Variants in SDCCAG8 observed in about 807,000 individuals in gnomAD.
SDCCAG8 encodes SHH signaling and ciliogenesis regulator SDCCAG8.
Under a neutral mutation model 101.8 loss-of-function variants are expected in SDCCAG8, and 74 were observed. The observed-to-expected ratio is 0.73, with a 90% CI of 0.60 to 0.88. The LOEUF is 0.88. Ranked by LOEUF, SDCCAG8 falls within the 40% of genes least tolerant of loss-of-function variation. SDCCAG8 has a pLI of 0.00. For synonymous variants in SDCCAG8, 281 were observed against 292.9 expected, an observed-to-expected ratio of 0.96 and a Z score of 0.41; for missense variants, 787 against 822.6, an observed-to-expected ratio of 0.96 and a Z score of 0.53.
intron 4 of SDCCAG8, among the ~76,000 whole-genome samples, chr1:243,279,955 A>C (rs1188501413): frequency 6.6e-6 from 1 of 152,216 alleles, no homozygotes; most frequent in Non-Finnish European, 1.5e-5. Flanking sequence ...AATTTTATGA[A>C]ATATATTATA....
chr1:243,494,163 T>C (rs1011964531), intron 17 of SDCCAG8, among the ~76,000 whole-genome samples: 3 of 152,242 alleles, frequency 2.0e-5, no homozygotes, highest in African/African-American at 4.8e-5. Flanking sequence ...AACCAAGATT[T>C]TTTGGAAAGA....
At chr1:243,497,225 C>CAAAG (rs1299473204) in intron 17 of SDCCAG8, among the ~76,000 whole-genome samples, 1 of 150,864 alleles carries the variant, frequency 6.6e-6, no homozygotes, top group Non-Finnish European at 1.5e-5. Context: ...TGTGTGTTAC[C>CAAAG]AAAGAGTCAG....
At position 243,298,443 on chromosome 1, in the gene SDCCAG8, C is replaced by T. The variant is rs373653421; in HGVS notation, c.675+5224C>T. Among the ~76,000 whole-genome samples the T allele has an allele frequency of 2.3e-3, 350 of 149,980 alleles. 1 individual carries two copies. The Middle Eastern group carries it at 0.027, about 12-fold the overall frequency. ...CACAATCTCAGCTCACTGCAGCCTC[C>T]GCCTCCCGGGTTCAAGCGATTCTCC... On this transcript the variant is annotated intron_variant, in intron 6 of 17. Coordinates refer to ENST00000366541, the MANE Select transcript of SDCCAG8 (RefSeq NM_006642.5).
At chr1:243,419,938 T>C (rs1459686301) in intron 15 of SDCCAG8, among the ~76,000 whole-genome samples, 1 of 152,222 alleles carries the variant, frequency 6.6e-6, no homozygotes, top group Non-Finnish European at 1.5e-5. Context: ...CCTCTATTGC[T>C]CCTCCTGCTT....
chr1:243,347,370 C>A (rs2075780861), intron 12 of SDCCAG8, among the ~76,000 whole-genome samples: 1 of 152,150 alleles, frequency 6.6e-6, no homozygotes, highest in South Asian at 2.1e-4. Context: ...ATTCACATTT[C>A]TTTGTCTCAA....
intron 10 of SDCCAG8, among the ~76,000 whole-genome samples, chr1:243,340,509 A>G (rs996305606): frequency 1.3e-5 from 2 of 152,106 alleles, no homozygotes; most frequent in African/African-American, 4.8e-5. Context: ...AGAACTAGAT[A>G]ATAGGGGGGC....
rs780621104 is a variant in SDCCAG8 at position 243,274,637 on chromosome 1, C to T, written c.401C>T (p.Ala134Val). The T allele has an allele frequency of 6.3e-7, 1 of 1,598,770 alleles. No individual in the cohort carries two copies. Among genetic ancestry groups the T allele is most frequent in the East Asian group, 2.2e-5 (1 of 44,696 alleles). ...TCTCAATATATTCATCATTTAGAGG[C>T]AGAAGTTAAGTTCTGCAAGGTAAGT... ...DQSQYIHHLE[A>V]EVKFCKEELS... The change falls in exon 4 of 18, where the codon GCA becomes GTA. Residue 134 changes from alanine to valine, a missense_variant. Physicochemically the swap from Ala to Val is moderately conservative, Grantham distance 64. Coordinates refer to ENST00000366541, the MANE Select transcript of SDCCAG8 (RefSeq NM_006642.5).
chr1:243,486,647 C>T (rs1020309778), intron 16 of SDCCAG8, among the ~76,000 whole-genome samples: 5 of 152,250 alleles, frequency 3.3e-5, no homozygotes, highest in African/African-American at 1.2e-4. Context: ...GCTGTGAGAG[C>T]GGCTTTGGCC....
chr1:243,338,631 C>T (rs2075175870), intron 10 of SDCCAG8: 1 of 152,176 alleles, frequency 6.6e-6, no homozygotes, highest in Non-Finnish European at 1.5e-5. Context: ...CCCCTGAGGT[C>T]CACACGTTTT....
intron 16 of SDCCAG8, among the ~76,000 whole-genome samples, chr1:243,477,419 C>G (rs1371401068): frequency 6.6e-6 from 1 of 152,214 alleles, no homozygotes; most frequent in Non-Finnish European, 1.5e-5. Flanking sequence ...GGCAGATGGT[C>G]TTCTAGGTTC....
chr1:243,462,450 C>T (rs891117976), intron 16 of SDCCAG8, among the ~76,000 whole-genome samples: 1 of 152,202 alleles, frequency 6.6e-6, no homozygotes, highest in African/African-American at 2.4e-5. Context: ...AGTGAGGTTT[C>T]CCTCCTAACA....
chr1:243,299,443 C>T (rs966304474), intron 6 of SDCCAG8, among the ~76,000 whole-genome samples: 3 of 152,066 alleles, frequency 2.0e-5, no homozygotes, highest in East Asian at 1.9e-4. Flanking sequence ...GGCAGGGTTT[C>T]GCTTTTGTTG....
At chr1:243,373,532 G>A (rs552496549) in intron 12 of SDCCAG8, among the ~76,000 whole-genome samples, 2 of 152,090 alleles carry the variant, frequency 1.3e-5, no homozygotes, top group Non-Finnish European at 2.9e-5. Flanking sequence ...GTTGTGCATT[G>A]TCTGGGCCAT....
chr1:243,467,524 C>G (rs1660384912), intron 16 of SDCCAG8, among the ~76,000 whole-genome samples: 1 of 152,240 alleles, frequency 6.6e-6, no homozygotes, highest in South Asian at 2.1e-4. Flanking sequence ...TCTGGTTAAG[C>G]ACATATGTGC....
intron 12 of SDCCAG8, among the ~76,000 whole-genome samples, chr1:243,357,335 T>C (rs1236509154): frequency 1.3e-5 from 2 of 149,612 alleles, no homozygotes; most frequent in East Asian, 4.1e-4. Context: ...GCTGAGATCG[T>C]GCCACTGCAC....
chr1:243,465,787 G>A (rs1660017729), intron 16 of SDCCAG8, among the ~76,000 whole-genome samples: 3 of 152,168 alleles, frequency 2.0e-5, no homozygotes, highest in Admixed American at 1.3e-4. Context: ...ACTTTTTTCT[G>A]TCTCTAACAG....
At chr1:243,492,734 A>G (rs966663772) in intron 17 of SDCCAG8, among the ~76,000 whole-genome samples, 3 of 149,794 alleles carry the variant, frequency 2.0e-5, no homozygotes, top group Non-Finnish European at 3.0e-5. Context: ...CAGCCTCCCA[A>G]GTAGCTGGGA....
intron 10 of SDCCAG8, 143 bp downstream of exon 10, chr1:243,330,835 A>G (rs1186868640): frequency 2.6e-6 from 2 of 758,154 alleles, no homozygotes; most frequent in Non-Finnish European, 4.3e-6. Context: ...CGTATAATTT[A>G]GAATTCATAA....
intron 16 of SDCCAG8, among the ~76,000 whole-genome samples, chr1:243,461,657 T>G (rs1659131000): frequency 6.6e-6 from 1 of 152,198 alleles, no homozygotes; most frequent in South Asian, 2.1e-4. Flanking sequence ...TTTATTTCAT[T>G]GGAACCTTTG....
Sources: allele counts gnomAD v4.1 joint callset (sites outside exome capture counted in the v4.1 genomes callset), GRCh38; gene constraint gnomAD v4.1.1; transcripts MANE v1.5; gene names NCBI Gene and HGNC (gene_info 2026-07-23, HGNC 2026-07-21).